The following FOSL2 variants were observed in gnomAD, a reference collection of about 807,000 sequenced individuals.
FOSL2 encodes the protein FOS like 2, AP-1 transcription factor subunit.
A neutral mutation model predicts 27.7 loss-of-function variants in FOSL2; 3 were observed. The observed-to-expected ratio is 0.11, with a 90% CI of 0.05 to 0.28. The LOEUF (loss-of-function observed/expected upper bound fraction) is 0.28, where lower values mean the gene tolerates loss of function less well. Ranked by LOEUF, FOSL2 falls within the 10% of genes least tolerant of loss-of-function variation. The pLI, the probability that FOSL2 is intolerant of heterozygous loss-of-function variation, is 1.00. For synonymous variants in FOSL2, 179 were observed against 190.1 expected (o/e 0.94, Z 0.48); for missense variants, 333 against 445.1 (o/e 0.75, Z 2.27).
Position 28,409,015 on chromosome 2 carries a change from A to G in FOSL2, c.462+149A>G. 5.4e-6 allele frequency: 3 copies of G among 554,510 alleles called. No homozygotes were observed. In the South Asian group the frequency reaches 7.1e-5, roughly 13 times the overall value. The allele number at this position is 554,510 out of a possible 1,614,324, so 34.3% of individuals were successfully genotyped here. ...AGATAGAGCTTTCCTTCCTTTGGAC[A>G]CATGGGTCAGCATTGTGTTGATTGA... On this transcript the variant is annotated intron_variant, in intron 3 of 3. Coordinates refer to ENST00000264716, the MANE Select transcript of FOSL2 (RefSeq NM_005253.4).
At chr2:28,405,521 A>G (rs772963101) in intron 2 of FOSL2, among the ~76,000 whole-genome samples, 4 of 152,210 alleles carry the variant, frequency 2.6e-5, no homozygotes, top group Admixed American at 2.6e-4. Context: ...CAGGGCCACA[A>G]TGTTCCAATA....
In FOSL2 at chr2:28,412,526, T is replaced by C. The variant is rs1253895697; in HGVS notation, c.*78T>C. On this transcript the variant is annotated 3_prime_UTR_variant, in exon 4 of 4. Transcript: ENST00000264716. The surrounding 1 kb of genome is among the most constrained non-coding windows in gnomAD (Gnocchi z 7.1). Reference sequence around the variant, plus strand: ...CCCAGGGACCAGCACCTTCAAGCGCTCCAGGGCCGTGAGGGCAAGAGGGGG... The same window carrying C: ...CCCAGGGACCAGCACCTTCAAGCGCCCCAGGGCCGTGAGGGCAAGAGGGGG... 7 of 1,513,792 alleles carry C rather than the reference T, an allele frequency of 4.6e-6. No homozygotes were observed. The highest frequency in any genetic ancestry group is 5.3e-6 in the Non-Finnish European group (6 of 1,126,024). 93.8% of individuals were successfully genotyped at this position (1,513,792 alleles called of 1,614,324 possible).
chr2:28,416,325 A>G lies in FOSL2; in HGVS notation c.*3877A>G, dbSNP rs532151213. ...GGCTGGATCAAATTTTGAGAGGGTT[A>G]TGGGAAAGGGAGGGGGAGAAGAAAT... On this transcript the variant is annotated 3_prime_UTR_variant, in exon 4 of 4. Transcript: ENST00000264716. 6.6e-6 allele frequency: 1 copy of G among 152,248 alleles called. No individual in the cohort carries two copies. The highest frequency in any genetic ancestry group is 2.1e-4 in the South Asian group (1 of 4,828). The allele number at this position is 152,248 out of a possible 1,614,324, so 9.4% of individuals were successfully genotyped here. A position where few individuals can be genotyped will look rare whatever the true frequency, so the allele number is the denominator to read the frequency against.
In FOSL2 at chr2:28,415,545, GTGGTTGAATT is replaced by G. The variant is rs1181016096; in HGVS notation, c.*3098_*3107del. 2 of 152,332 alleles carry G rather than the reference GTGGTTGAATT, an allele frequency of 1.3e-5. No homozygotes were observed. The highest frequency in any genetic ancestry group is 4.8e-5 in the African/African-American group (2 of 41,578). The allele number at this position is 152,332 out of a possible 1,614,324, so 9.4% of individuals were successfully genotyped here. On this transcript the variant is annotated 3_prime_UTR_variant, in exon 4 of 4. Coordinates refer to ENST00000264716, the MANE Select transcript of FOSL2 (RefSeq NM_005253.4). ...CCTCTCCTCTCACTTGATTCCAAGT[GTGGTTGAATT>G]GTCTGGAGCACTGGGACTTTTTTTC... is the stretch of plus-strand genomic sequence containing the variant.
chr2:28,394,333 C>T (rs537674610), intron 1 of FOSL2, among the ~76,000 whole-genome samples: 35 of 152,304 alleles, frequency 2.3e-4, no homozygotes, highest in African/African-American at 8.4e-4. Context: ...TGGTTGGACT[C>T]CTTCAAGTAA....
chr2:28,394,995 AT>A (rs1345074528), intron 1 of FOSL2, among the ~76,000 whole-genome samples: 1 of 142,038 alleles, frequency 7.0e-6, no homozygotes, highest in African/African-American at 3.1e-5. Context: ...TTTGGATCTG[AT>A]GGGGGGGTCC....
chr2:28,396,435 C>G (rs895899741), intron 1 of FOSL2, among the ~76,000 whole-genome samples: 1 of 151,878 alleles, frequency 6.6e-6, no homozygotes, highest in African/African-American at 2.4e-5. Context: ...GTAACCGTTG[C>G]ACACACCTCC....
At position 28,392,960 on chromosome 2, in the gene FOSL2, G is replaced by A. The variant is rs1342307863; in HGVS notation, c.-761G>A. Reference sequence around the variant, plus strand: ...ACAGAAAGAGGGAGAGAGAGAGAGAGAGAGAGGGAGAGGCGCGGCCGGGCG... The same window carrying A: ...ACAGAAAGAGGGAGAGAGAGAGAGAAAGAGAGGGAGAGGCGCGGCCGGGCG... On this transcript the variant is annotated 5_prime_UTR_variant, in exon 1 of 4. Transcript: ENST00000264716. The A allele has an allele frequency of 1.0e-5, 7 of 693,890 alleles. No individual in the cohort carries two copies. The highest frequency in any genetic ancestry group is 2.0e-5 in the Admixed American group (1 of 49,054). 43.0% of individuals were successfully genotyped at this position (693,890 alleles called of 1,614,324 possible).
chr2:28,394,928 G>A (rs1663780139), intron 1 of FOSL2, among the ~76,000 whole-genome samples: 1 of 152,208 alleles, frequency 6.6e-6, no homozygotes, highest in Admixed American at 6.5e-5. Context: ...AGGGGCTAGG[G>A]TGGGCTTCCA....
chr2:28,404,416 A>G lies in FOSL2; in HGVS notation c.354+58A>G. The G allele has an allele frequency of 1.3e-6, 2 of 1,558,072 alleles. No individual in the cohort carries two copies. The highest frequency in any genetic ancestry group is 1.4e-5 in the African/African-American group (1 of 73,008). ...CAGTGGCTTTCAGAGCCCCAGAAAC[A>G]CAGAACGGGTTTCTGCAGACTGGGA... is the stretch of plus-strand genomic sequence containing the variant. On this transcript the variant is annotated intron_variant, in intron 2 of 3. Transcript: ENST00000264716. The surrounding 1 kb of genome is among the most constrained non-coding windows in gnomAD (Gnocchi z 4.7).
At chr2:28,395,609 A>C (rs919864508) in intron 1 of FOSL2, 1 of 152,242 alleles carries the variant, frequency 6.6e-6, no homozygotes, top group African/African-American at 2.4e-5. Flanking sequence ...AGAGTGTAAT[A>C]GGGCCTCATT....
intron 3 of FOSL2, 39 bp from the exon 4 acceptor site, chr2:28,411,891 C>T (rs376225925): frequency 3.1e-6 from 5 of 1,612,234 alleles, no homozygotes; most frequent in Non-Finnish European, 4.2e-6. Flanking sequence ...TGGTCCCTGG[C>T]AGGTTGCTGT....
chr2:28,413,320 T>C lies in FOSL2; in HGVS notation c.*872T>C. On this transcript the variant is annotated 3_prime_UTR_variant, in exon 4 of 4. Transcript: ENST00000264716. The stretch of plus-strand genomic sequence containing the variant: ...GCTTCCCTTCACCTGGTGTCTTGAG[T>C]AGGGCGTCTCCTGTAATTACTGCCT... 1 of 396,678 alleles carries C rather than the reference T, an allele frequency of 2.5e-6. No homozygotes were observed. The highest frequency in any genetic ancestry group is 4.4e-6 in the Non-Finnish European group (1 of 225,432). The allele number at this position is 396,678 out of a possible 1,614,324, so 24.6% of individuals were successfully genotyped here. A position where few individuals can be genotyped will look rare whatever the true frequency, so the allele number is the denominator to read the frequency against.
chr2:28,399,652 T>C (rs190997536), intron 1 of FOSL2, among the ~76,000 whole-genome samples: 1 of 152,106 alleles, frequency 6.6e-6, no homozygotes, highest in East Asian at 1.9e-4. Context: ...AGCTGATAAG[T>C]GAGAGCCCGT....
At chr2:28,403,244 A>G (rs996534149) in intron 1 of FOSL2, among the ~76,000 whole-genome samples, 1 of 152,194 alleles carries the variant, frequency 6.6e-6, no homozygotes, top group African/African-American at 2.4e-5. Context: ...ATACTCTGTC[A>G]TCATCTTATA....
At chr2:28,403,757 A>G (rs1664020303) in intron 1 of FOSL2, among the ~76,000 whole-genome samples, 1 of 152,180 alleles carries the variant, frequency 6.6e-6, no homozygotes, top group South Asian at 2.1e-4. Flanking sequence ...GCAGATGTGT[A>G]TCCTGGAGAG....
intron 1 of FOSL2, among the ~76,000 whole-genome samples, chr2:28,395,340 A>G (rs2148075938): frequency 6.6e-6 from 1 of 152,336 alleles, no homozygotes; most frequent in South Asian, 2.1e-4. Context: ...GAAATCAGGA[A>G]GGGATCTTTT....
At position 28,404,050 on chromosome 2, in the gene FOSL2, C is replaced by T; in HGVS notation, c.103-57C>T. 5 of 1,593,304 alleles carry T rather than the reference C, an allele frequency of 3.1e-6. No individual in the cohort carries two copies. The South Asian group carries it at 5.6e-5, about 18-fold the overall frequency. On this transcript the variant is annotated intron_variant, in intron 1 of 3. Coordinates refer to ENST00000264716, the MANE Select transcript of FOSL2 (RefSeq NM_005253.4). The surrounding 1 kb of genome is among the most constrained non-coding windows in gnomAD (Gnocchi z 4.7). ...CTCAGCTCTGTTCAATTATTATTAA[C>T]TATCCTGTTCAGCTTAGTATTTATT...
At chr2:28,411,670 G>GT (rs1306605172) in intron 3 of FOSL2, among the ~76,000 whole-genome samples, 1 of 152,198 alleles carries the variant, frequency 6.6e-6, no homozygotes, top group Non-Finnish European at 1.5e-5. Flanking sequence ...GCTTAACACT[G>GT]TGCCCTGCAC....
Sources: allele counts gnomAD v4.1 joint callset (sites outside exome capture counted in the v4.1 genomes callset), GRCh38; gene constraint gnomAD v4.1.1; non-coding constraint Gnocchi (gnomAD v3.1); transcripts MANE v1.5; gene names NCBI Gene and HGNC (gene_info 2026-07-23, HGNC 2026-07-21).